TDRD5: variants seen among roughly 807,000 people sequenced by gnomAD.
TDRD5 encodes the protein tudor domain-containing protein 5.
TDRD5 carries 41 observed loss-of-function variants against 120.6 expected under a neutral mutation model. The observed-to-expected ratio is 0.34, with a 90% CI of 0.26 to 0.44. The LOEUF (loss-of-function observed/expected upper bound fraction) is 0.44. Ranked by LOEUF, TDRD5 falls within the 20% of genes least tolerant of loss-of-function variation. The probability of loss-of-function intolerance (pLI) is 1.00; values close to 1 mark genes in which losing one functional copy is unlikely to be tolerated. For synonymous variants in TDRD5, 430 were observed against 433.7 expected, an observed-to-expected ratio of 0.99 and a Z score of 0.11; for missense variants, 1,006 against 1,221.2, an observed-to-expected ratio of 0.82 and a Z score of 2.63.
chr1:179,628,028 G>A (rs1447595462), intron 6 of TDRD5, among the ~76,000 whole-genome samples: 3 of 152,040 alleles, frequency 2.0e-5, no homozygotes, highest in East Asian at 1.9e-4. Flanking sequence ...CAGATATTAC[G>A]TGCCCCTCTT....
At chr1:179,657,529 A>G (rs2102082095) in intron 14 of TDRD5, among the ~76,000 whole-genome samples, 1 of 152,232 alleles carries the variant, frequency 6.6e-6, no homozygotes, top group East Asian at 1.9e-4. Context: ...GCGTTAGTAC[A>G]TGCAAATGGA....
intron 17 of TDRD5, among the ~76,000 whole-genome samples, chr1:179,671,949 GGTGTGTGTGT>G (rs111855083): frequency 1.5e-3 from 208 of 141,798 alleles, no homozygotes; most frequent in African/African-American, 3.6e-3. Context: ...AATATTCCAT[GGTGTGTGTGT>G]GTGTGTGTGT....
At chr1:179,598,939 C>T (rs1675549862) in intron 4 of TDRD5, among the ~76,000 whole-genome samples, 1 of 151,966 alleles carries the variant, frequency 6.6e-6, no homozygotes, top group Admixed American at 6.6e-5. Context: ...AAAATCTTGA[C>T]TTGTTCCTAA....
At chr1:179,618,451 T>C (rs1487210172) in intron 4 of TDRD5, 148 bp from the exon 5 acceptor site, 2 of 490,278 alleles carry the variant, frequency 4.1e-6, no homozygotes, top group Non-Finnish European at 7.2e-6. Flanking sequence ...TATGAAATGC[T>C]ACAGTTCCTC....
rs59925180 is a variant in TDRD5 at position 179,649,052 on chromosome 1, G to A, written c.1801-1815G>A. 8.0e-3 allele frequency among the ~76,000 whole-genome samples: 1,223 copies of A among 152,210 alleles called. 16 individuals carry two copies. The highest frequency in any genetic ancestry group is 0.028 in the African/African-American group (1,170 of 41,530). On this transcript the variant is annotated intron_variant, in intron 11 of 17. Transcript: ENST00000444136. ...TTGAAGATATCATTACTGGCTTCTGGTTTCCCTTATCGTTTTCTGAGAAGT... is the reference window on the plus strand; with the variant it reads ...TTGAAGATATCATTACTGGCTTCTGATTTCCCTTATCGTTTTCTGAGAAGT...
intron 11 of TDRD5, among the ~76,000 whole-genome samples, chr1:179,641,467 T>C (rs1282968388): frequency 1.3e-5 from 2 of 150,518 alleles, no homozygotes; most frequent in Non-Finnish European, 3.0e-5. Flanking sequence ...GAGGCGGAGG[T>C]TGCAGTGAGC....
At chr1:179,631,161 G>A (rs891611344) in intron 7 of TDRD5, among the ~76,000 whole-genome samples, 2 of 152,174 alleles carry the variant, frequency 1.3e-5, no homozygotes, top group South Asian at 4.1e-4. Flanking sequence ...GGAGGCCGAG[G>A]TGGGCGGATC....
At chr1:179,636,118 G>T (rs1677755145) in intron 9 of TDRD5, among the ~76,000 whole-genome samples, 1 of 151,994 alleles carries the variant, frequency 6.6e-6, no homozygotes, top group Admixed American at 6.5e-5. Context: ...TAGAAGGGTG[G>T]CATTGTTTTA....
intron 17 of TDRD5, among the ~76,000 whole-genome samples, chr1:179,688,720 A>G (rs145937377): frequency 0.079 from 12,066 of 152,060 alleles, 594 homozygotes; most frequent in African/African-American, 0.12. Context: ...ATAGTCCCAT[A>G]TTTCTTGGAG....
At chr1:179,624,582 A>G (rs1014177402) in intron 6 of TDRD5, among the ~76,000 whole-genome samples, 1 of 152,254 alleles carries the variant, frequency 6.6e-6, no homozygotes, top group Admixed American at 6.5e-5. Context: ...AGGTTAGTAT[A>G]CGGAAATCAA....
intron 7 of TDRD5, among the ~76,000 whole-genome samples, chr1:179,633,058 C>T (rs1677549688): frequency 6.6e-6 from 1 of 152,190 alleles, no homozygotes; most frequent in Admixed American, 6.5e-5. Context: ...ATGTGTATCA[C>T]TTTCATACCA....
At chr1:179,674,380 T>G (rs1318536470) in intron 17 of TDRD5, among the ~76,000 whole-genome samples, 1 of 152,224 alleles carries the variant, frequency 6.6e-6, no homozygotes, top group African/African-American at 2.4e-5. Context: ...CCTGCATCCC[T>G]GGTATGAAAC....
At chr1:179,645,076 CTTTTTTTTTTTTTT>C (rs71569261) in intron 11 of TDRD5, among the ~76,000 whole-genome samples, 2 of 99,572 alleles carry the variant, frequency 2.0e-5, no homozygotes, top group African/African-American at 4.1e-5. Flanking sequence ...AAACATTTTT[CTTTTTTTTTTTTTT>C]TTTTTTTTTT....
intron 4 of TDRD5, among the ~76,000 whole-genome samples, chr1:179,596,717 T>C (rs551011120): frequency 6.6e-6 from 1 of 152,374 alleles, no homozygotes; most frequent in African/African-American, 2.4e-5. Context: ...ACCTTCCCCA[T>C]TAGATGACAT....
chr1:179,654,445 T>C (rs1678881803), intron 14 of TDRD5, 83 bp downstream of exon 14: 2 of 1,330,912 alleles, frequency 1.5e-6, no homozygotes, highest in Non-Finnish European at 9.9e-7. Context: ...GAATAAACTC[T>C]GTTTAAACCC....
At chr1:179,648,295 T>C (rs1160708505) in intron 11 of TDRD5, among the ~76,000 whole-genome samples, 2 of 145,674 alleles carry the variant, frequency 1.4e-5, no homozygotes, top group Non-Finnish European at 3.0e-5. Flanking sequence ...ATGTCCTTTG[T>C]AGGGACATGG....
intron 4 of TDRD5, among the ~76,000 whole-genome samples, chr1:179,614,751 G>A (rs116605665): frequency 6.6e-6 from 1 of 151,830 alleles, no homozygotes; most frequent in Non-Finnish European, 1.5e-5. Flanking sequence ...GGGAGGGGGG[G>A]TTTAAAAATA....
At chr1:179,602,542 T>A (rs1675773446) in intron 4 of TDRD5, among the ~76,000 whole-genome samples, 1 of 152,188 alleles carries the variant, frequency 6.6e-6, no homozygotes, top group Non-Finnish European at 1.5e-5. Flanking sequence ...CCATCTTGAG[T>A]TGATTTTTGT....
chr1:179,654,584 A>G (rs1678890846), intron 14 of TDRD5, among the ~76,000 whole-genome samples: 1 of 151,944 alleles, frequency 6.6e-6, no homozygotes, highest in South Asian at 2.1e-4. Flanking sequence ...GGTCAACATG[A>G]TGATACCTTG....
Sources: allele counts gnomAD v4.1 joint callset (sites outside exome capture counted in the v4.1 genomes callset), GRCh38; gene constraint gnomAD v4.1.1; transcripts MANE v1.5; gene names NCBI Gene and HGNC (gene_info 2026-07-23, HGNC 2026-07-21).